ADGRF5: variants seen among roughly 807,000 people sequenced by gnomAD.
ADGRF5 encodes the protein adhesion G protein-coupled receptor F5, also known as G-protein coupled receptor 116.
In ADGRF5, 75 loss-of-function variants were observed where a neutral mutation model predicts 132.3. The observed-to-expected ratio is 0.57, with a 90% CI of 0.47 to 0.69. The LOEUF (loss-of-function observed/expected upper bound fraction) is 0.69. Ranked by LOEUF, ADGRF5 falls within the 30% of genes least tolerant of loss-of-function variation. ADGRF5 has a pLI of 0.00. For synonymous variants in ADGRF5, 629 were observed against 597.6 expected (o/e 1.05, Z -0.77); for missense variants, 1,516 against 1,630.6 (o/e 0.93, Z 1.21).
In ADGRF5 at chr6:46,873,878, T is replaced by A. The variant is rs560839113; in HGVS notation, c.1241-1865A>T. Among the ~76,000 whole-genome samples, 193 of 152,320 alleles carry A rather than the reference T, an allele frequency of 1.3e-3. 1 individual carries two copies. Among genetic ancestry groups the A allele is most frequent in the Middle Eastern group, 0.01 (3 of 294 alleles). ...AACAAAAAATCCTAAATTACTTGCA[T>A]GCACTCACCTTTTACCCCTACTCAG... On this transcript the variant is annotated intron_variant, in intron 10 of 20. Coordinates refer to ENST00000283296, the MANE Select transcript of ADGRF5 (RefSeq NM_001098518.2).
intron 3 of ADGRF5, among the ~76,000 whole-genome samples, chr6:46,899,215 A>G (rs1488389936): frequency 2.0e-5 from 3 of 152,212 alleles, no homozygotes; most frequent in East Asian, 3.9e-4. Context: ...GATGATGGGC[A>G]GGGTGTTGAT....
At chr6:46,906,101 C>G (rs953396159) in intron 2 of ADGRF5, among the ~76,000 whole-genome samples, 27 of 152,252 alleles carry the variant, frequency 1.8e-4, no homozygotes, top group African/African-American at 6.3e-4. Flanking sequence ...TTTACTTAAG[C>G]TAAACTCTCA....
At chr6:46,940,656 G>A (rs764862525) in intron 1 of ADGRF5, among the ~76,000 whole-genome samples, 1 of 152,148 alleles carries the variant, frequency 6.6e-6, no homozygotes, top group Non-Finnish European at 1.5e-5. Flanking sequence ...AGAGGCAAAC[G>A]CTTGACTCAA....
At chr6:46,886,307 TTAGAAA>T (rs1287607511) in intron 4 of ADGRF5, among the ~76,000 whole-genome samples, 1 of 152,162 alleles carries the variant, frequency 6.6e-6, no homozygotes, top group Non-Finnish European at 1.5e-5. Context: ...GGCAGGAGAA[TTAGAAA>T]TAGAAGAAAC....
At chr6:46,936,407 C>T (rs980889932) in intron 1 of ADGRF5, among the ~76,000 whole-genome samples, 1 of 152,184 alleles carries the variant, frequency 6.6e-6, no homozygotes, top group Non-Finnish European at 1.5e-5. Flanking sequence ...GCCAAACCTG[C>T]CTTCCTCGAA....
At chr6:46,931,089 A>T (rs1367947290) in intron 1 of ADGRF5, among the ~76,000 whole-genome samples, 2 of 152,018 alleles carry the variant, frequency 1.3e-5, no homozygotes, top group Non-Finnish European at 2.9e-5. Flanking sequence ...CCTACATAAA[A>T]ACTTCTAATC....
Position 46,884,269 on chromosome 6 carries a change from A to G in ADGRF5, c.331T>C (p.Cys111Arg). ...DILSINVTTVCRPAGNEIWCS... is the reference protein window; with the variant it reads ...DILSINVTTVRRPAGNEIWCS... ...CAGATTTCATTTCCAGCAGGTCTGCAGACTATCGTTAATCAGAACAGCAAG... is the reference window on the plus strand; with the variant it reads ...CAGATTTCATTTCCAGCAGGTCTGCGGACTATCGTTAATCAGAACAGCAAG... The change falls in exon 5 of 21, where the codon TGC becomes CGC. Residue 111 changes from cysteine to arginine, a missense_variant and splice_region_variant. Cys to Arg is a radical substitution (Grantham distance 180). This residue lies in a region of ADGRF5 where 945 missense variants were observed against 929.4 expected (regional missense o/e 1.02). Coordinates refer to ENST00000283296, the MANE Select transcript of ADGRF5 (RefSeq NM_001098518.2). 6.2e-7 allele frequency: 1 copy of G among 1,612,698 alleles called. No homozygotes were observed. Among genetic ancestry groups the G allele is most frequent in the African/African-American group, 1.3e-5 (1 of 75,030 alleles).
intron 4 of ADGRF5, among the ~76,000 whole-genome samples, chr6:46,885,251 A>T (rs1258000698): frequency 6.6e-6 from 1 of 151,420 alleles, no homozygotes; most frequent in Admixed American, 6.6e-5. Flanking sequence ...AAAAAACAGA[A>T]TTTTTTTTCA....
chr6:46,912,268 A>AG (rs1322561711), intron 1 of ADGRF5, among the ~76,000 whole-genome samples: 2 of 152,192 alleles, frequency 1.3e-5, no homozygotes, highest in African/African-American at 4.8e-5. Flanking sequence ...GATTTGTGGA[A>AG]GATATTCCAG....
At chr6:46,887,372 T>C (rs1773162462) in intron 4 of ADGRF5, among the ~76,000 whole-genome samples, 1 of 152,176 alleles carries the variant, frequency 6.6e-6, no homozygotes, top group East Asian at 1.9e-4. Context: ...AGATGTTCTA[T>C]GGATAAACAG....
chr6:46,880,367 A>AC, intron 8 of ADGRF5, among the ~76,000 whole-genome samples: 1 of 152,120 alleles, frequency 6.6e-6, no homozygotes, highest in South Asian at 2.1e-4. Context: ...ATAAAAAAAA[A>AC]ACAAACTTAA....
chr6:46,862,661 G>GAGCAGAAC (rs1420048442), intron 15 of ADGRF5, among the ~76,000 whole-genome samples: 1 of 133,588 alleles, frequency 7.5e-6, no homozygotes, highest in Non-Finnish European at 1.5e-5. Flanking sequence ...GTCGGTCTGA[G>GAGCAGAAC]AGCAGAACAC....
chr6:46,923,697 G>A (rs549547999), upstream of ADGRF5, among the ~76,000 whole-genome samples: 3 of 152,222 alleles, frequency 2.0e-5, no homozygotes, highest in African/African-American at 7.2e-5. Context: ...CTTCCCTGAG[G>A]AGCAATTCTT....
At chr6:46,918,505 CT>C (rs1491132714) in intron 1 of ADGRF5, among the ~76,000 whole-genome samples, 1 of 152,096 alleles carries the variant, frequency 6.6e-6, no homozygotes, top group Non-Finnish European at 1.5e-5. Flanking sequence ...TTTTTTTCCC[CT>C]TTCTCTTGGG....
At chr6:46,933,867 A>G (rs1777686503) in intron 1 of ADGRF5, among the ~76,000 whole-genome samples, 1 of 152,172 alleles carries the variant, frequency 6.6e-6, no homozygotes. Context: ...CAGTATACAA[A>G]ACATAGCTAC....
In ADGRF5 at chr6:46,876,227, G is replaced by T. The variant is rs146388811; in HGVS notation, c.1240+1975C>A. 9.3e-3 allele frequency among the ~76,000 whole-genome samples: 1,422 copies of T among 152,330 alleles called. 23 individuals are homozygous for T. Among genetic ancestry groups the T allele is most frequent in the African/African-American group, 0.03 (1,268 of 41,584 alleles). ...ATCCATCAGAGAAACCACGGTGCAG[G>T]TCCCCAGGCTGCCAGCCCTGAGGCA... On this transcript the variant is annotated intron_variant, in intron 10 of 20. Coordinates refer to ENST00000283296, the MANE Select transcript of ADGRF5 (RefSeq NM_001098518.2).
chr6:46,877,161 G>A (rs1771750518), intron 10 of ADGRF5, among the ~76,000 whole-genome samples: 1 of 152,180 alleles, frequency 6.6e-6, no homozygotes, highest in East Asian at 1.9e-4. Context: ...GCATAATATA[G>A]TTTGGCCAAG....
chr6:46,879,887 T>C lies in ADGRF5; in HGVS notation c.967A>G (p.Thr323Ala). The C allele has an allele frequency of 6.2e-7, 1 of 1,614,156 alleles. No individual in the cohort carries two copies. The highest frequency in any genetic ancestry group is 8.5e-7 in the Non-Finnish European group (1 of 1,179,996). ...IQNSSRFSIY[T>A]ALFNNMTSVS... is the part of the protein sequence containing the mutation. ...GAAGTCATGTTGTTGAAAAGTGCGG[T>C]GTAAATCGAGAATCTGCTGCTGTTC... Residue 323 changes from threonine (T) to alanine (A), a missense_variant, in exon 9 of 21, where the codon ACC becomes GCC. Physicochemically the swap from Thr to Ala is moderately conservative, Grantham distance 58 (BLOSUM62 0). Transcript: ENST00000283296.
Position 46,895,495 on chromosome 6 carries a change from G to A in ADGRF5, c.157+4534C>T, listed in dbSNP as rs925243401. On this transcript the variant is annotated intron_variant, in intron 3 of 20. Transcript: ENST00000283296. ...CATTTCCTAGACCCAGATCTAAAAGGGCCAGCACACCCAGGTTGCTAGGCC... is the reference window on the plus strand; with the variant it reads ...CATTTCCTAGACCCAGATCTAAAAGAGCCAGCACACCCAGGTTGCTAGGCC... Among the ~76,000 whole-genome samples, 6 of 151,182 alleles carry A rather than the reference G, an allele frequency of 4.0e-5. 1 individual carries two copies. Among genetic ancestry groups the A allele is most frequent in the Admixed American group, 1.3e-4 (2 of 15,110 alleles).
Sources: allele counts gnomAD v4.1 joint callset (sites outside exome capture counted in the v4.1 genomes callset), GRCh38; gene constraint gnomAD v4.1.1; regional missense constraint gnomAD v4.1.1; transcripts MANE v1.5; gene names NCBI Gene and HGNC (gene_info 2026-07-23, HGNC 2026-07-21).